Variants in ANKH observed in about 807,000 individuals in gnomAD.
ANKH encodes mineralization regulator ANKH.
A neutral mutation model predicts 49.0 loss-of-function variants in ANKH; 15 were observed. The ratio of observed to expected loss-of-function variants is 0.31; its 90% CI spans 0.20 to 0.47. The LOEUF (loss-of-function observed/expected upper bound fraction) is 0.47, where lower values mean the gene tolerates loss of function less well. Ranked by LOEUF, ANKH falls within the 20% of genes least tolerant of loss-of-function variation. The pLI, the probability that ANKH is intolerant of heterozygous loss-of-function variation, is 1.00. For synonymous variants in ANKH, 273 were observed against 260.0 expected (o/e 1.05, Z -0.48); for missense variants, 429 against 652.0 (o/e 0.66, Z 3.72).
chr5:14,721,726 C>CTA lies in ANKH; in HGVS notation c.1012-4892_1012-4891insTA, dbSNP rs1561024017. On this transcript the variant is annotated intron_variant, in intron 8 of 11. Transcript: ENST00000284268. ...TGGGAGGATCACAAGGTCAGGAGAT[C>CTA]GAGACCATCCTGGCTAACACGGTGA... is the stretch of plus-strand genomic sequence containing the variant. Among the ~76,000 whole-genome samples, 3 of 151,922 alleles carry CTA rather than the reference C, an allele frequency of 2.0e-5. No individual in the cohort carries two copies. In the East Asian group the frequency reaches 5.8e-4, roughly 29 times the overall value.
chr5:14,828,581 TTTC>T (rs765515910), intron 1 of ANKH, among the ~76,000 whole-genome samples: 8 of 152,084 alleles, frequency 5.3e-5, no homozygotes, highest in East Asian at 1.9e-4. Flanking sequence ...TTTTCTTTTC[TTTC>T]TTCTTCTTTT....
intron 1 of ANKH, among the ~76,000 whole-genome samples, chr5:14,807,042 T>A (rs953443197): frequency 6.6e-6 from 1 of 152,086 alleles, no homozygotes; most frequent in African/African-American, 2.4e-5. Context: ...AGCATTAAAC[T>A]AACTGCCACA....
In ANKH at chr5:14,705,574, TCCCGAAG is replaced by T. The variant is rs1296996685; in HGVS notation, c.*5616_*5622del. ...TCACGTGTGTGGCTCTTGTCCACTT[TCCCGAAG>T]CCCTTTGATTAACTCCTTGGCCCTA... On this transcript the variant is annotated 3_prime_UTR_variant, in exon 12 of 12. Coordinates refer to ENST00000284268, the MANE Select transcript of ANKH (RefSeq NM_054027.6). 6.6e-6 allele frequency: 1 copy of T among 152,296 alleles called. No individual in the cohort carries two copies. Among genetic ancestry groups the T allele is most frequent in the Non-Finnish European group, 1.5e-5 (1 of 68,054 alleles). 9.4% of individuals were successfully genotyped at this position (152,296 alleles called of 1,614,324 possible).
rs555604365 is a variant in ANKH, at chr5:14,711,720, G to T, written c.1366-410C>A. Among the ~76,000 whole-genome samples, 7 of 152,280 alleles carry T rather than the reference G, an allele frequency of 4.6e-5. No homozygotes were observed. The South Asian group carries it at 1.5e-3, about 32-fold the overall frequency. ...AAATATTCCACCTTGTACAGCATCC[G>T]TCAGTCACCTCTGGGACAGCTCCAG... On this transcript the variant is annotated intron_variant, in intron 11 of 11. Coordinates refer to ENST00000284268, the MANE Select transcript of ANKH (RefSeq NM_054027.6).
Position 14,713,710 on chromosome 5 carries a change from C to T in ANKH, c.1142-43G>A, listed in dbSNP as rs1316253383. 1.9e-6 allele frequency: 3 copies of T among 1,612,018 alleles called. No individual in the cohort carries two copies. The highest frequency in any genetic ancestry group is 2.5e-6 in the Non-Finnish European group (3 of 1,179,816). ...GGACTCGTCAGCCGTGCCCGCCATC[C>T]ACTCCCCATCCTGCTGCCTCTGGAC... is the stretch of plus-strand genomic sequence containing the variant. On this transcript the variant is annotated intron_variant, in intron 9 of 11. Coordinates refer to ENST00000284268, the MANE Select transcript of ANKH (RefSeq NM_054027.6). The surrounding 1 kb of genome is among the most constrained non-coding windows in gnomAD (Gnocchi z 4.4).
In ANKH at chr5:14,739,946, T is replaced by C. The variant is rs555382534; in HGVS notation, c.1011+1881A>G. Among the ~76,000 whole-genome samples, 265 of 152,320 alleles carry C rather than the reference T, an allele frequency of 1.7e-3. 1 individual carries two copies. Among genetic ancestry groups the C allele is most frequent in the Admixed American group, 2.7e-3 (41 of 15,300 alleles). On this transcript the variant is annotated intron_variant, in intron 8 of 11. Transcript: ENST00000284268. ...ATAAATAAAGCCTCTACCTGGGAAA[T>C]GTAAGCATTTTCCCAGATTATAAGT...
intron 9 of ANKH, among the ~76,000 whole-genome samples, 169 bp downstream of exon 9, chr5:14,716,537 T>G (rs1292674601): frequency 1.3e-5 from 2 of 152,222 alleles, no homozygotes; most frequent in African/African-American, 4.8e-5. Context: ...TTATACTGTT[T>G]GATTCATTTC....
chr5:14,737,322 T>C lies in ANKH; in HGVS notation c.1011+4505A>G, dbSNP rs1738218552. On this transcript the variant is annotated intron_variant, in intron 8 of 11. Transcript: ENST00000284268. This position sits in a 1 kb window ranked among gnomAD's most constrained non-coding sequence, Gnocchi z 5.0. Reference sequence around the variant, plus strand: ...TCTAGAGTCCAGGAGGGCACCATGATAGGCCCCAGGGGTTTGTAGGAGGCT... The same window carrying C: ...TCTAGAGTCCAGGAGGGCACCATGACAGGCCCCAGGGGTTTGTAGGAGGCT... Among the ~76,000 whole-genome samples, 1 of 152,116 alleles carries C rather than the reference T, an allele frequency of 6.6e-6. No individual in the cohort carries two copies. Among genetic ancestry groups the C allele is most frequent in the African/African-American group, 2.4e-5 (1 of 41,416 alleles).
chr5:14,734,126 G>C (rs1434098040), intron 8 of ANKH, among the ~76,000 whole-genome samples: 1 of 152,166 alleles, frequency 6.6e-6, no homozygotes, highest in Admixed American at 6.5e-5. Flanking sequence ...ATGTCAATAT[G>C]TTCAATTCTT....
Position 14,755,944 on chromosome 5 carries a change from C to A in ANKH, c.433G>T (p.Ala145Ser), listed in dbSNP as rs1300503482. ...LAAFPFMDAM[A>S]WTHAGILLKH... The stretch of plus-strand genomic sequence containing the variant: ...AAGAGAATGCCAGCATGGGTCCATG[C>A]CTGCCAGAAAGAAAAGAATTTGGCA... Residue 145 changes from alanine to serine, a missense_variant and splice_region_variant, in exon 4 of 12, where the codon GCA becomes TCA. By Grantham distance (99) the Ala-to-Ser change is moderately conservative (BLOSUM62 1). Transcript: ENST00000284268. The A allele has an allele frequency of 1.2e-6, 2 of 1,613,786 alleles. No individual in the cohort carries two copies. Among genetic ancestry groups the A allele is most frequent in the Non-Finnish European group, 1.7e-6 (2 of 1,179,734 alleles).
intron 1 of ANKH, chr5:14,797,965 A>C (rs1346798262): frequency 7.0e-6 from 11 of 1,569,152 alleles, no homozygotes; most frequent in Non-Finnish European, 8.8e-6. Context: ...ATATCACTGG[A>C]AGGAGTCTTT....
chr5:14,757,433 T>TATAA (rs1309417967), intron 3 of ANKH, among the ~76,000 whole-genome samples: 1 of 124,242 alleles, frequency 8.0e-6, no homozygotes, highest in African/African-American at 3.2e-5. Context: ...TATATATATT[T>TATAA]TTTTTTTTTT....
At chr5:14,793,254 T>C (rs1740263456) in intron 1 of ANKH, among the ~76,000 whole-genome samples, 1 of 150,956 alleles carries the variant, frequency 6.6e-6, no homozygotes, top group Non-Finnish European at 1.5e-5. Flanking sequence ...GACCCTGACA[T>C]CTAAGGGTTC....
intron 1 of ANKH, among the ~76,000 whole-genome samples, chr5:14,847,959 G>A (rs1360747001): frequency 1.3e-5 from 2 of 152,148 alleles, no homozygotes; most frequent in East Asian, 1.9e-4. Flanking sequence ...CCTGGCCAAC[G>A]TGGTGAAACC....
intron 1 of ANKH, among the ~76,000 whole-genome samples, chr5:14,820,835 TGC>T (rs1385169080): frequency 6.6e-6 from 1 of 152,230 alleles, no homozygotes; most frequent in Admixed American, 6.5e-5. Flanking sequence ...CAGTGGCTTA[TGC>T]CTGTAATCCC....
intron 8 of ANKH, among the ~76,000 whole-genome samples, chr5:14,740,562 G>A (rs1738322191): frequency 6.6e-6 from 1 of 152,238 alleles, no homozygotes; most frequent in Non-Finnish European, 1.5e-5. Flanking sequence ...TGTGTTGGTG[G>A]TGACAAGGGC....
At chr5:14,841,747 C>T (rs140683302) in intron 1 of ANKH, among the ~76,000 whole-genome samples, 79 of 152,300 alleles carry the variant, frequency 5.2e-4, no homozygotes, top group Non-Finnish European at 9.6e-4. Context: ...ATTATCTTTC[C>T]GCCAAGCCCC....
chr5:14,710,566 G>C lies in ANKH; in HGVS notation c.*631C>G, dbSNP rs1053834431. On this transcript the variant is annotated 3_prime_UTR_variant, in exon 12 of 12. Transcript: ENST00000284268. ...ACCAAACCTTTCTACGGGAGATTCT[G>C]TCCATCTGTCAGCCTGCTGTGGTCA... The C allele has an allele frequency of 6.4e-6, 1 of 156,548 alleles. No homozygotes were observed. The highest frequency in any genetic ancestry group is 2.4e-5 in the African/African-American group (1 of 41,458). 9.7% of individuals were successfully genotyped at this position (156,548 alleles called of 1,614,324 possible). A position where few individuals can be genotyped will look rare whatever the true frequency, so the allele number is the denominator to read the frequency against.
intron 1 of ANKH, among the ~76,000 whole-genome samples, chr5:14,808,333 T>C (rs1190877999): frequency 2.0e-5 from 3 of 152,214 alleles, no homozygotes; most frequent in Non-Finnish European, 2.9e-5. Context: ...TAAGACTTTA[T>C]AAACAGAAGA....
Sources: allele counts gnomAD v4.1 joint callset (sites outside exome capture counted in the v4.1 genomes callset), GRCh38; gene constraint gnomAD v4.1.1; non-coding constraint Gnocchi (gnomAD v3.1); transcripts MANE v1.5; gene names NCBI Gene and HGNC (gene_info 2026-07-23, HGNC 2026-07-21).